The following ATG5 variants were observed in gnomAD, a reference collection of about 807,000 sequenced individuals.
The protein encoded by ATG5 is autophagy related 5.
A neutral mutation model predicts 36.5 loss-of-function variants in ATG5; 14 were observed. The ratio of observed to expected loss-of-function variants is 0.38; its 90% CI spans 0.25 to 0.60. The LOEUF is 0.60. Among genes scored for constraint, ATG5 ranks in the 20% least tolerant of loss-of-function variants. The probability of loss-of-function intolerance (pLI) is 0.60; values close to 1 mark genes in which losing one functional copy is unlikely to be tolerated. For synonymous variants in ATG5, 95 were observed against 101.5 expected, an observed-to-expected ratio of 0.94 and a Z score of 0.38; for missense variants, 195 against 326.7, an observed-to-expected ratio of 0.60 and a Z score of 3.11.
At chr6:106,198,952 T>C (rs547886890) in intron 7 of ATG5, among the ~76,000 whole-genome samples, 3 of 152,058 alleles carry the variant, frequency 2.0e-5, no homozygotes, top group Non-Finnish European at 1.5e-5. Flanking sequence ...AGGATTTGAA[T>C]AGACACTTCA....
chr6:106,267,702 T>C (rs894451089), intron 5 of ATG5, among the ~76,000 whole-genome samples: 2 of 152,208 alleles, frequency 1.3e-5, no homozygotes, highest in Admixed American at 6.5e-5. Context: ...TACAACCATC[T>C]GATCTTCGAC....
At chr6:106,240,375 T>C (rs1193790218) in intron 6 of ATG5, among the ~76,000 whole-genome samples, 3 of 148,188 alleles carry the variant, frequency 2.0e-5, no homozygotes, top group East Asian at 1.9e-4. Flanking sequence ...AAAATATCTA[T>C]AAAATTATTT....
At chr6:106,284,338 G>A (rs932047539) in intron 4 of ATG5, among the ~76,000 whole-genome samples, 2 of 151,988 alleles carry the variant, frequency 1.3e-5, no homozygotes, top group African/African-American at 4.8e-5. Context: ...TCTCCATCAT[G>A]TGTTACTGTT....
intron 6 of ATG5, among the ~76,000 whole-genome samples, chr6:106,206,247 G>T (rs1170760429): frequency 5.3e-5 from 7 of 131,220 alleles, no homozygotes; most frequent in Non-Finnish European, 1.1e-4. Flanking sequence ...TGCCCCTTCT[G>T]CCATGTTGGG....
intron 6 of ATG5, among the ~76,000 whole-genome samples, chr6:106,236,767 A>G (rs892589454): frequency 6.6e-6 from 1 of 152,188 alleles, no homozygotes; most frequent in Non-Finnish European, 1.5e-5. Context: ...CATTTTTTGT[A>G]TAAGTTGTTT....
intron 5 of ATG5, among the ~76,000 whole-genome samples, chr6:106,255,819 A>G (rs1778777972): frequency 6.6e-6 from 1 of 152,228 alleles, no homozygotes; most frequent in Non-Finnish European, 1.5e-5. Flanking sequence ...GCTTGTCAAA[A>G]AGAGATTTAC....
At position 106,223,531 on chromosome 6, in the gene ATG5, T is replaced by C. The variant is rs182346042; in HGVS notation, c.574-21442A>G. Among the ~76,000 whole-genome samples, 13 of 152,284 alleles carry C rather than the reference T, an allele frequency of 8.5e-5. No homozygotes were observed. The East Asian group carries it at 2.1e-3, about 25-fold the overall frequency. On this transcript the variant is annotated intron_variant, in intron 6 of 7. Coordinates refer to ENST00000369076, the MANE Select transcript of ATG5 (RefSeq NM_004849.4). Reference sequence around the variant, plus strand: ...TTGGGCTGCCCCCTACAGGACTCAATTTACCTATTTCTTTTAAAAGGTGTG... The same window carrying C: ...TTGGGCTGCCCCCTACAGGACTCAACTTACCTATTTCTTTTAAAAGGTGTG...
At chr6:106,281,515 C>A (rs888713455) in intron 4 of ATG5, among the ~76,000 whole-genome samples, 8 of 152,112 alleles carry the variant, frequency 5.3e-5, no homozygotes, top group African/African-American at 1.9e-4. Flanking sequence ...TAATTAATTC[C>A]TTTTTGTTGC....
intron 5 of ATG5, among the ~76,000 whole-genome samples, chr6:106,278,735 A>G (rs1462678393): frequency 1.3e-5 from 2 of 152,180 alleles, no homozygotes; most frequent in Admixed American, 6.5e-5. Context: ...CATTTTTATA[A>G]AATGTTACAT....
At chr6:106,241,651 C>T (rs766562523) in intron 6 of ATG5, among the ~76,000 whole-genome samples, 1 of 152,154 alleles carries the variant, frequency 6.6e-6, no homozygotes, top group Non-Finnish European at 1.5e-5. Context: ...TTGGTGGATT[C>T]TGAGTACAGC....
At chr6:106,196,361 G>T (rs1171334047) in intron 7 of ATG5, among the ~76,000 whole-genome samples, 1 of 152,158 alleles carries the variant, frequency 6.6e-6, no homozygotes, top group Admixed American at 6.6e-5. Flanking sequence ...TGGCAGCATA[G>T]TAAAGTGGAA....
At chr6:106,197,570 C>T (rs1285400416) in intron 7 of ATG5, among the ~76,000 whole-genome samples, 1 of 151,966 alleles carries the variant, frequency 6.6e-6, no homozygotes, top group Non-Finnish European at 1.5e-5. Flanking sequence ...GATTCATGCC[C>T]TCCCTGGGTG....
In ATG5 at chr6:106,237,083, T is replaced by G. The variant is rs538239481; in HGVS notation, c.573+11067A>C. Among the ~76,000 whole-genome samples the G allele has an allele frequency of 4.2e-4, 64 of 152,320 alleles. No homozygotes were observed. The South Asian group carries it at 0.013, about 31-fold the overall frequency. On this transcript the variant is annotated intron_variant, in intron 6 of 7. Transcript: ENST00000369076. ...TGTTCCACTCCACATCCACTGTACC[T>G]GAAATAGCCCTACTGTTCTACTTTG...
intron 6 of ATG5, among the ~76,000 whole-genome samples, chr6:106,231,662 T>C (rs1178683147): frequency 6.6e-6 from 1 of 152,158 alleles, no homozygotes; most frequent in Non-Finnish European, 1.5e-5. Context: ...CTGACTCTAC[T>C]GAAGGCCAAC....
At chr6:106,276,534 C>T (rs1779663720) in intron 5 of ATG5, among the ~76,000 whole-genome samples, 1 of 151,370 alleles carries the variant, frequency 6.6e-6, no homozygotes, top group Non-Finnish European at 1.5e-5. Context: ...AGACCTGAAA[C>T]TAAAAACCAG....
At chr6:106,323,114 T>C (rs1049021107) in intron 1 of ATG5, among the ~76,000 whole-genome samples, 5 of 152,042 alleles carry the variant, frequency 3.3e-5, no homozygotes, top group African/African-American at 1.2e-4. Context: ...TTTTTTTGTA[T>C]TTTTAGTAGA....
At chr6:106,296,274 CTT>C (rs940646208) in intron 3 of ATG5, among the ~76,000 whole-genome samples, 3 of 151,754 alleles carry the variant, frequency 2.0e-5, no homozygotes, top group African/African-American at 7.3e-5. Context: ...CTACTGGACA[CTT>C]TTATAAATCT....
chr6:106,255,561 A>C (rs949110232), intron 5 of ATG5, among the ~76,000 whole-genome samples: 2 of 152,206 alleles, frequency 1.3e-5, no homozygotes, highest in African/African-American at 4.8e-5. Context: ...GTATTCCAAG[A>C]GTCAATCCCA....
intron 7 of ATG5, among the ~76,000 whole-genome samples, chr6:106,197,586 G>A (rs1280689775): frequency 6.6e-6 from 1 of 151,944 alleles, no homozygotes; most frequent in Non-Finnish European, 1.5e-5. Flanking sequence ...GGGTGTGGAG[G>A]AGTGAGTTCT....
Sources: allele counts gnomAD v4.1 joint callset (sites outside exome capture counted in the v4.1 genomes callset), GRCh38; gene constraint gnomAD v4.1.1; transcripts MANE v1.5; gene names NCBI Gene and HGNC (gene_info 2026-07-23, HGNC 2026-07-21).